MSH4: variants seen among roughly 807,000 people sequenced by gnomAD.
MSH4 encodes the protein mutS protein homolog 4.
Under a neutral mutation model 113.7 loss-of-function variants are expected in MSH4, and 106 were observed. The observed-to-expected ratio is 0.93, with a 90% CI of 0.80 to 1.10. The LOEUF is 1.10. MSH4 is among the 50% of genes least tolerant of loss of function. The probability of loss-of-function intolerance (pLI) is 0.00; values close to 1 mark genes in which losing one functional copy is unlikely to be tolerated. For synonymous variants in MSH4, 368 were observed against 380.2 expected (o/e 0.97, Z 0.37); for missense variants, 1,061 against 1,093.7 (o/e 0.97, Z 0.42).
At chr1:75,820,642 A>T (rs1650389315) in intron 6 of MSH4, among the ~76,000 whole-genome samples, 1 of 152,114 alleles carries the variant, frequency 6.6e-6, no homozygotes, top group African/African-American at 2.4e-5. Context: ...GGTAGTTTGT[A>T]TTTCTGTGGG....
At chr1:75,798,789 C>T (rs958235146) in intron 1 of MSH4, among the ~76,000 whole-genome samples, 5 of 152,064 alleles carry the variant, frequency 3.3e-5, no homozygotes, top group African/African-American at 1.2e-4. Context: ...AACTTCTAGG[C>T]TCAAGCGATC....
At chr1:75,860,669 T>C (rs1350634557) in intron 8 of MSH4, among the ~76,000 whole-genome samples, 1 of 152,188 alleles carries the variant, frequency 6.6e-6, no homozygotes, top group Non-Finnish European at 1.5e-5. Context: ...GTGGGTAACC[T>C]GACCTTTCTC....
At chr1:75,880,851 G>A (rs1169885421) in intron 13 of MSH4, among the ~76,000 whole-genome samples, 3 of 151,940 alleles carry the variant, frequency 2.0e-5, no homozygotes, top group Non-Finnish European at 4.4e-5. Context: ...AATGCATATA[G>A]TTTTTGTGTT....
At chr1:75,818,751 C>T (rs1310868064) in intron 6 of MSH4, among the ~76,000 whole-genome samples, 1 of 53,698 alleles carries the variant, frequency 1.9e-5, no homozygotes. Context: ...CTGTATATTC[C>T]GTTTTTTTTG....
intron 19 of MSH4, among the ~76,000 whole-genome samples, chr1:75,911,816 T>TA (rs1020503175): frequency 5.9e-5 from 9 of 151,402 alleles, no homozygotes; most frequent in South Asian, 2.1e-4. Context: ...TAGTGAAAAG[T>TA]AAAAAAAAAT....
In MSH4 at chr1:75,898,022, A is replaced by C. The variant is rs201866178; in HGVS notation, c.2471A>C (p.Lys824Thr). Residue 824 changes from lysine to threonine, a missense_variant, in exon 18 of 20, where the codon AAA becomes ACA. Transcript: ENST00000263187. ...VQHVKNTSRN[K>T]EAILYTYKLS... Reference sequence around the variant, plus strand: ...CATGTAAAGAATACCTCAAGAAATAAAGAAGCAATTTTGTATACCTACAAA... The same window carrying C: ...CATGTAAAGAATACCTCAAGAAATACAGAAGCAATTTTGTATACCTACAAA... 2.5e-4 allele frequency: 398 copies of C among 1,607,024 alleles called. No homozygotes were observed. The highest frequency in any genetic ancestry group is 3.2e-4 in the Non-Finnish European group (375 of 1,176,646).
intron 4 of MSH4, among the ~76,000 whole-genome samples, chr1:75,811,882 T>G (rs1650197022): frequency 6.6e-6 from 1 of 152,356 alleles, no homozygotes; most frequent in African/African-American, 2.4e-5. Context: ...ATATAAGATT[T>G]GTCATGGTGC....
chr1:75,819,657 T>G (rs7525919), intron 6 of MSH4, among the ~76,000 whole-genome samples: 38,338 of 152,162 alleles, frequency 0.25, 6,241 homozygotes, highest in East Asian at 0.68. Context: ...ATTTTTTACA[T>G]GTATTATATG....
intron 15 of MSH4, among the ~76,000 whole-genome samples, chr1:75,885,059 G>GTGTATATATATATATATATATATA (rs1300289205): frequency 5.0e-4 from 56 of 112,500 alleles, no homozygotes; most frequent in African/African-American, 2.0e-3. Context: ...GTGTGTGTGT[G>GTGTATATATATATATATATATATA]TATATATATA....
intron 17 of MSH4, among the ~76,000 whole-genome samples, chr1:75,894,891 A>G (rs1375294503): frequency 1.3e-5 from 2 of 152,136 alleles, no homozygotes; most frequent in Non-Finnish European, 2.9e-5. Flanking sequence ...AGAAGGCTGT[A>G]TATGCTTTGA....
intron 6 of MSH4, among the ~76,000 whole-genome samples, chr1:75,819,153 T>C (rs1158078066): frequency 1.3e-5 from 2 of 152,142 alleles, no homozygotes; most frequent in African/African-American, 4.8e-5. Context: ...TTATTTCCCC[T>C]CGCTCTTTGT....
rs1315290014 is a variant in MSH4 at position 75,815,049 on chromosome 1, A to T, written c.728A>T (p.Lys243Ile). Residue 243 changes from lysine to isoleucine, a missense_variant, in exon 5 of 20, where the codon AAA (lysine) becomes ATA (isoleucine). Lys to Ile is a moderately radical substitution (Grantham distance 102). Coordinates refer to ENST00000263187, the MANE Select transcript of MSH4 (RefSeq NM_002440.4). The part of the protein sequence containing the change: ...KNVNFTTIQR[K>I]YFNETKGLEY... ...GTTAATTTCACTACTATCCAAAGGA[A>T]ATACTTCAATGAAACAAAAGGATTA... 1 of 1,600,076 alleles carries T rather than the reference A, an allele frequency of 6.2e-7. No individual in the cohort carries two copies. Among genetic ancestry groups the T allele is most frequent in the African/African-American group, 1.3e-5 (1 of 74,630 alleles).
chr1:75,882,652 G>A (rs1651958317), intron 14 of MSH4, among the ~76,000 whole-genome samples: 2 of 125,154 alleles, frequency 1.6e-5, no homozygotes, highest in East Asian at 2.3e-4. Context: ...AACATAGCTA[G>A]ACCTCATTTC....
At chr1:75,843,124 C>G (rs1011678906) in intron 7 of MSH4, among the ~76,000 whole-genome samples, 13 of 152,218 alleles carry the variant, frequency 8.5e-5, no homozygotes, top group African/African-American at 3.1e-4. Context: ...GGAAGGGCCA[C>G]CTGTCCAGTG....
intron 8 of MSH4, among the ~76,000 whole-genome samples, chr1:75,861,336 A>G (rs1336271213): frequency 6.6e-6 from 1 of 152,070 alleles, no homozygotes; most frequent in Admixed American, 6.5e-5. Flanking sequence ...TTTGGAGGAG[A>G]AAAGGTGTTC....
chr1:75,854,596 C>G (rs1570968982), intron 8 of MSH4, among the ~76,000 whole-genome samples: 1 of 152,188 alleles, frequency 6.6e-6, no homozygotes, highest in East Asian at 1.9e-4. Context: ...TCTCCCTGCT[C>G]TGGCTTTGCC....
At chr1:75,859,229 A>AT (rs1396888273) in intron 8 of MSH4, among the ~76,000 whole-genome samples, 7 of 151,952 alleles carry the variant, frequency 4.6e-5, no homozygotes, top group African/African-American at 1.2e-4. Context: ...GGATTCATTC[A>AT]TTTTTTGAAG....
intron 15 of MSH4, among the ~76,000 whole-genome samples, chr1:75,885,429 CTGAGTG>C (rs1652054134): frequency 1.0e-5 from 1 of 95,634 alleles, no homozygotes; most frequent in Non-Finnish European, 2.0e-5. Context: ...AGTTGGTATC[CTGAGTG>C]TGTATATACA....
chr1:75,838,172 C>T, intron 7 of MSH4, among the ~76,000 whole-genome samples: 1 of 152,148 alleles, frequency 6.6e-6, no homozygotes. Flanking sequence ...TACATTTTTC[C>T]AAAGGCTCTG....
Sources: allele counts gnomAD v4.1 joint callset (sites outside exome capture counted in the v4.1 genomes callset), GRCh38; gene constraint gnomAD v4.1.1; transcripts MANE v1.5; gene names NCBI Gene and HGNC (gene_info 2026-07-23, HGNC 2026-07-21).